The following NEGR1 variants were observed in gnomAD, a reference collection of about 807,000 sequenced individuals.
The protein encoded by NEGR1 is IgLON family member 4.
Under a neutral mutation model 40.9 loss-of-function variants are expected in NEGR1, and 10 were observed. That is an observed-to-expected ratio of 0.24 (90% CI 0.15 to 0.42). NEGR1 has a LOEUF of 0.42. Among genes scored for constraint, NEGR1 ranks in the 10% least tolerant of loss-of-function variants. NEGR1 has a pLI of 1.00. For synonymous variants in NEGR1, 185 were observed against 166.8 expected (o/e 1.11, Z -0.84); for missense variants, 352 against 438.9 (o/e 0.80, Z 1.77).
intron 1 of NEGR1, among the ~76,000 whole-genome samples, chr1:72,250,645 T>C (rs866915752): frequency 3.3e-5 from 5 of 152,196 alleles, no homozygotes; most frequent in South Asian, 2.1e-4. Context: ...AATATCTTCA[T>C]ACATTAAAGG....
At chr1:71,677,665 G>A (rs754896921) in intron 4 of NEGR1, among the ~76,000 whole-genome samples, 4 of 152,138 alleles carry the variant, frequency 2.6e-5, no homozygotes, top group Admixed American at 6.6e-5. Context: ...ATAAAAGCCT[G>A]TTTCACGGAG....
intron 2 of NEGR1, among the ~76,000 whole-genome samples, chr1:71,927,272 T>C (rs1366032564): frequency 1.3e-5 from 2 of 152,210 alleles, no homozygotes; most frequent in African/African-American, 2.4e-5. Context: ...AATTTTTTAA[T>C]TGTTATGCAA....
chr1:71,785,437 A>G lies in NEGR1; in HGVS notation c.410-9140T>C, dbSNP rs533275158. ...GGTAACATTTTATTAAGAATTAATAATGAGGTTTTTTTTTTTCCTGGAAAC... is the reference window on the plus strand; with the variant it reads ...GGTAACATTTTATTAAGAATTAATAGTGAGGTTTTTTTTTTTCCTGGAAAC... On this transcript the variant is annotated intron_variant, in intron 2 of 6. Transcript: ENST00000357731. Among the ~76,000 whole-genome samples the G allele has an allele frequency of 5.0e-4, 75 of 150,698 alleles. No homozygotes were observed. The Middle Eastern group carries it at 0.014, about 27-fold the overall frequency.
chr1:72,262,492 G>A lies in NEGR1; in HGVS notation c.176+19827C>T, dbSNP rs1013053074. Among the ~76,000 whole-genome samples the A allele has an allele frequency of 9.2e-5, 14 of 151,974 alleles. No individual in the cohort carries two copies. In the East Asian group the frequency reaches 2.3e-3, roughly 25 times the overall value. ...TCCTGTTTCCACTTGTTTACCTGAC[G>A]TATATAATAAGCTTTTGAGGACAAG... On this transcript the variant is annotated intron_variant, in intron 1 of 6. Transcript: ENST00000357731.
chr1:72,149,601 G>A (rs146308763), intron 1 of NEGR1, among the ~76,000 whole-genome samples: 5 of 152,050 alleles, frequency 3.3e-5, no homozygotes, highest in Admixed American at 3.3e-4. Flanking sequence ...CCACCAAGTA[G>A]GCCGGGTGCA....
At chr1:72,048,839 T>C (rs1647028445) in intron 1 of NEGR1, among the ~76,000 whole-genome samples, 1 of 151,434 alleles carries the variant, frequency 6.6e-6, no homozygotes, top group African/African-American at 2.4e-5. Flanking sequence ...TTTTTTGTTC[T>C]GAAACAAAAA....
chr1:72,139,709 A>T (rs1260974728), intron 1 of NEGR1, among the ~76,000 whole-genome samples: 1 of 152,100 alleles, frequency 6.6e-6, no homozygotes. Flanking sequence ...TTAACTGGAA[A>T]CATGCAATTG....
intron 1 of NEGR1, among the ~76,000 whole-genome samples, chr1:71,992,775 C>T (rs1396612376): frequency 1.3e-5 from 2 of 152,180 alleles, no homozygotes; most frequent in African/African-American, 4.8e-5. Flanking sequence ...AGTTAAACAG[C>T]AGCTCTGAAT....
intron 2 of NEGR1, among the ~76,000 whole-genome samples, chr1:71,898,357 T>C (rs1452285609): frequency 6.6e-6 from 1 of 152,204 alleles, no homozygotes; most frequent in Non-Finnish European, 1.5e-5. Context: ...GGTTCACGCC[T>C]GTAATCCCAG....
chr1:72,258,883 A>G (rs1422626231), intron 1 of NEGR1, among the ~76,000 whole-genome samples: 2 of 152,142 alleles, frequency 1.3e-5, no homozygotes, highest in Non-Finnish European at 2.9e-5. Context: ...TAGTTTGCTT[A>G]CTAAATAGCT....
intron 2 of NEGR1, among the ~76,000 whole-genome samples, chr1:71,843,178 C>A (rs1018426875): frequency 2.0e-5 from 3 of 152,044 alleles, no homozygotes; most frequent in Non-Finnish European, 4.4e-5. Context: ...CCAAGGACAG[C>A]GGCTGTCATT....
chr1:72,088,364 A>G (rs112166909), intron 1 of NEGR1, among the ~76,000 whole-genome samples: 12 of 152,338 alleles, frequency 7.9e-5, no homozygotes, highest in Non-Finnish European at 1.6e-4. Flanking sequence ...GATTTTCATA[A>G]AAACTAAACT....
chr1:71,538,134 T>C (rs569204177), intron 6 of NEGR1, among the ~76,000 whole-genome samples: 1 of 151,780 alleles, frequency 6.6e-6, no homozygotes, highest in Admixed American at 6.6e-5. Context: ...TTTACTTCCT[T>C]AGTAAACGTA....
At chr1:71,751,641 G>A (rs1655574177) in intron 3 of NEGR1, among the ~76,000 whole-genome samples, 1 of 151,922 alleles carries the variant, frequency 6.6e-6, no homozygotes, top group African/African-American at 2.4e-5. Flanking sequence ...TCAGCCCAGA[G>A]CTGCTTCTGT....
intron 1 of NEGR1, among the ~76,000 whole-genome samples, chr1:71,942,484 T>TATATATATATATATATA (rs34446850): frequency 0.013 from 62 of 4,696 alleles, 4 homozygotes; most frequent in African/African-American, 0.019. Flanking sequence ...TATATATATA[T>TATATATATATATATATA]TTTTTTTTTT....
intron 2 of NEGR1, among the ~76,000 whole-genome samples, chr1:71,791,638 A>T (rs1183705323): frequency 6.6e-6 from 1 of 152,126 alleles, no homozygotes; most frequent in Non-Finnish European, 1.5e-5. Flanking sequence ...GATCATGAAG[A>T]GGAATCAAAG....
intron 1 of NEGR1, among the ~76,000 whole-genome samples, chr1:72,138,199 C>T (rs1650541148): frequency 6.6e-6 from 1 of 150,504 alleles, no homozygotes; most frequent in South Asian, 2.2e-4. Flanking sequence ...TTTTACAATG[C>T]ACATTTTATT....
intron 6 of NEGR1, among the ~76,000 whole-genome samples, chr1:71,486,072 A>T (rs1112456): frequency 0.6 from 91,248 of 151,366 alleles, 30,391 homozygotes; most frequent in Non-Finnish European, 0.75. Context: ...CCAGGAATGA[A>T]TAAGAGTTCC....
At chr1:71,708,602 AT>A (rs34403391) in intron 3 of NEGR1, among the ~76,000 whole-genome samples, 51,223 of 150,630 alleles carry the variant, frequency 0.34, 9,410 homozygotes, top group East Asian at 0.6. Flanking sequence ...CAGAGTTTTT[AT>A]TTTTTTTTTA....
Sources: gnomAD v4.1 joint callset for allele counts (sites outside exome capture counted in the v4.1 genomes callset) on GRCh38, gnomAD v4.1.1 for gene constraint, MANE v1.5 for transcripts, NCBI Gene and HGNC (gene_info 2026-07-23, HGNC 2026-07-21) for gene names.